The following SRFBP1 variants were observed in gnomAD, a reference collection of about 807,000 sequenced individuals.
SRFBP1 encodes the protein serum response factor-binding protein 1.
A neutral mutation model predicts 45.5 loss-of-function variants in SRFBP1; 47 were observed. The ratio of observed to expected loss-of-function variants is 1.03; its 90% CI spans 0.82 to 1.32. The LOEUF (loss-of-function observed/expected upper bound fraction) is 1.32, where lower values mean the gene tolerates loss of function less well. Ranked by LOEUF, SRFBP1 falls within the 40% of genes most tolerant of loss-of-function variation. The pLI is 0.00. For synonymous variants in SRFBP1, 203 were observed against 166.3 expected (o/e 1.22, Z -1.70); for missense variants, 621 against 484.6 (o/e 1.28, Z -2.64).
chr5:122,072,502 AAG>A (rs1051326224), intron 2 of SRFBP1, among the ~76,000 whole-genome samples: 6 of 152,138 alleles, frequency 3.9e-5, no homozygotes, highest in African/African-American at 1.2e-4. Flanking sequence ...CTCAGAACAC[AAG>A]AGTTATTAAT....
Position 121,993,304 on chromosome 5 carries a change from A to G in SRFBP1, c.199-1295A>G, listed in dbSNP as rs529843562. On this transcript the variant is annotated intron_variant, in intron 3 of 7. Transcript: ENST00000339397. ...ATATATTCCTTCTGCTGAAAGGGTT[A>G]TAATAACACTCAGCTCATATAAATC... 2.6e-5 allele frequency among the ~76,000 whole-genome samples: 4 copies of G among 152,272 alleles called. No individual in the cohort carries two copies. The East Asian group carries it at 5.8e-4, about 22-fold the overall frequency.
At position 121,995,839 on chromosome 5, in the gene SRFBP1, C is replaced by T. The variant is rs541037366; in HGVS notation, c.270+1169C>T. On this transcript the variant is annotated intron_variant, in intron 4 of 7. Coordinates refer to ENST00000339397, the MANE Select transcript of SRFBP1 (RefSeq NM_152546.3). ...AAAATGATAAAGGGGATATCACCAC[C>T]GATCCCACAGAAATACAAACTACCA... Among the ~76,000 whole-genome samples, 933 of 151,658 alleles carry T rather than the reference C, an allele frequency of 6.2e-3. 32 individuals carry two copies. The highest frequency in any genetic ancestry group is 0.05 in the Admixed American group (768 of 15,236).
At chr5:122,007,726 A>G (rs1355727160) in intron 4 of SRFBP1, among the ~76,000 whole-genome samples, 1 of 151,302 alleles carries the variant, frequency 6.6e-6, no homozygotes, top group Non-Finnish European at 1.5e-5. Context: ...AGAATGGAGC[A>G]TCAGAGGCCA....
chr5:122,055,184 A>C (rs10054785), intron 2 of SRFBP1, among the ~76,000 whole-genome samples: 8 of 152,110 alleles, frequency 5.3e-5, no homozygotes, highest in African/African-American at 1.9e-4. Context: ...CCCAGTCCTC[A>C]CTCATGATGC....
chr5:122,036,271 G>A (rs1413087239), intron 2 of SRFBP1, among the ~76,000 whole-genome samples: 2 of 152,078 alleles, frequency 1.3e-5, no homozygotes, highest in Non-Finnish European at 2.9e-5. Context: ...TCTGTGCTCT[G>A]GGAGACTGGA....
chr5:122,034,050 C>T (rs1329896035), intron 2 of SRFBP1, among the ~76,000 whole-genome samples: 1 of 152,090 alleles, frequency 6.6e-6, no homozygotes, highest in Non-Finnish European at 1.5e-5. Context: ...TCTCGAACTC[C>T]TGACCTCAGG....
chr5:121,968,911 G>A (rs775227958), intron 1 of SRFBP1, among the ~76,000 whole-genome samples: 37 of 152,140 alleles, frequency 2.4e-4, no homozygotes, highest in Non-Finnish European at 3.7e-4. Context: ...AACAATACTA[G>A]CTCCTAGAAT....
At chr5:122,073,877 T>C in intron 2 of SRFBP1, 2 of 769,850 alleles carry the variant, frequency 2.6e-6, no homozygotes, top group Non-Finnish European at 2.1e-6. Flanking sequence ...TCTACAGTTT[T>C]CTTTGAGAAC....
chr5:122,034,552 T>C (rs929470685), intron 2 of SRFBP1, among the ~76,000 whole-genome samples: 6 of 152,098 alleles, frequency 3.9e-5, no homozygotes, highest in African/African-American at 1.4e-4. Context: ...CTTTCCTTTT[T>C]TCATCTACCT....
In SRFBP1 at chr5:122,020,752, G is replaced by T. The variant is rs1753299049; in HGVS notation, c.1017G>T (p.Lys339Asn). Residue 339 changes from lysine (K) to asparagine (N), a missense_variant, in exon 6 of 8, where the codon AAG (lysine) becomes AAT (asparagine). Physicochemically the swap from Lys to Asn is moderately conservative, Grantham distance 94 (BLOSUM62 0). Coordinates refer to ENST00000339397, the MANE Select transcript of SRFBP1 (RefSeq NM_152546.3). ...DKIKPSTETRKLESVFFHSLS... is the reference protein window; with the variant it reads ...DKIKPSTETRNLESVFFHSLS... ...TCAAGCCAAGTACAGAAACCAGAAA[G>T]TTAGAATCAGTGTTTTTCCACTCTT... is the stretch of plus-strand genomic sequence containing the variant. The T allele has an allele frequency of 1.2e-6, 2 of 1,601,128 alleles. No homozygotes were observed. Among genetic ancestry groups the T allele is most frequent in the African/African-American group, 2.7e-5 (2 of 73,952 alleles).
At chr5:122,073,859 G>T (rs1346544876) in intron 2 of SRFBP1, among the ~76,000 whole-genome samples, 3 of 152,150 alleles carry the variant, frequency 2.0e-5, no homozygotes, top group Non-Finnish European at 4.4e-5. Context: ...GACTCATGGG[G>T]TATATCATCT....
At chr5:122,069,545 G>A (rs529785992) in intron 2 of SRFBP1, among the ~76,000 whole-genome samples, 1 of 152,202 alleles carries the variant, frequency 6.6e-6, no homozygotes, top group South Asian at 2.1e-4. Context: ...TCAATCTTTT[G>A]CAGAGTATTT....
At chr5:122,071,346 GT>G (rs1347680183) in intron 2 of SRFBP1, among the ~76,000 whole-genome samples, 2 of 152,150 alleles carry the variant, frequency 1.3e-5, no homozygotes, top group Non-Finnish European at 2.9e-5. Context: ...GGCTAAGCTG[GT>G]TTTGAGTTTA....
At chr5:122,043,504 C>T (rs999786341) in intron 2 of SRFBP1, among the ~76,000 whole-genome samples, 5 of 152,216 alleles carry the variant, frequency 3.3e-5, no homozygotes, top group Admixed American at 2.0e-4. Flanking sequence ...GCGTGAGCCA[C>T]CATGCCCAGC....
intron 2 of SRFBP1, among the ~76,000 whole-genome samples, chr5:122,050,657 AG>A (rs1028760027): frequency 6.6e-6 from 1 of 152,046 alleles, no homozygotes; most frequent in Non-Finnish European, 1.5e-5. Context: ...TTATTAGTCC[AG>A]CCAGTGGTCT....
intron 2 of SRFBP1, among the ~76,000 whole-genome samples, chr5:122,039,615 A>T (rs1753742208): frequency 6.6e-6 from 1 of 152,162 alleles, no homozygotes; most frequent in Non-Finnish European, 1.5e-5. Context: ...TCCCAGACAG[A>T]CGTTGATATA....
chr5:122,031,291 GAT>G (rs1333998171), downstream of SRFBP1, among the ~76,000 whole-genome samples: 1 of 152,126 alleles, frequency 6.6e-6, no homozygotes, highest in Non-Finnish European at 1.5e-5. Flanking sequence ...AAGGGAGTCT[GAT>G]ATACAGAGTT....
chr5:121,970,846 A>T (rs1179774376), intron 1 of SRFBP1, among the ~76,000 whole-genome samples: 1 of 152,116 alleles, frequency 6.6e-6, no homozygotes, highest in Non-Finnish European at 1.5e-5. Context: ...ACTTCACAGA[A>T]TTTATAACCT....
intron 3 of SRFBP1, among the ~76,000 whole-genome samples, chr5:121,981,595 A>T (rs1014406849): frequency 7.3e-5 from 11 of 150,020 alleles, no homozygotes; most frequent in Non-Finnish European, 1.5e-4. Context: ...CTGAATCCCA[A>T]ACTTAGCAGT....
Sources: gnomAD v4.1 joint callset for allele counts (sites outside exome capture counted in the v4.1 genomes callset) on GRCh38, gnomAD v4.1.1 for gene constraint, MANE v1.5 for transcripts, NCBI Gene and HGNC (gene_info 2026-07-23, HGNC 2026-07-21) for gene names.